The following NEXMIF variants were observed in gnomAD, a reference collection of about 807,000 sequenced individuals.
The protein encoded by NEXMIF is neurite extension and migration factor.
In NEXMIF, 8 loss-of-function variants were observed where a neutral mutation model predicts 62.1. The observed-to-expected ratio is 0.13, with a 90% CI of 0.08 to 0.23. The LOEUF (loss-of-function observed/expected upper bound fraction) is 0.23, where lower values mean the gene tolerates loss of function less well. NEXMIF is among the 10% of genes least tolerant of loss of function. The probability of loss-of-function intolerance (pLI) is 1.00; values close to 1 mark genes in which losing one functional copy is unlikely to be tolerated. For missense variants in NEXMIF, 976 were observed against 1,113.3 expected (o/e 0.88, Z 1.75); for synonymous variants, 404 against 416.6 (o/e 0.97, Z 0.37).
intron 1 of NEXMIF, among the ~76,000 whole-genome samples, chrX:74,829,357 T>C (rs771586483): frequency 8.9e-6 from 1 of 112,473 alleles, no homozygotes; most frequent in South Asian, 3.7e-4. Flanking sequence ...TCCAATTCCA[T>C]CTACGTTGTT....
chrX:74,796,433 G>C (rs1381713548), intron 1 of NEXMIF, among the ~76,000 whole-genome samples: 2 of 102,068 alleles, frequency 2.0e-5, no homozygotes, highest in Admixed American at 1.2e-4. Flanking sequence ...TGATAGCTTG[G>C]TAAAAATGAC....
intron 1 of NEXMIF, among the ~76,000 whole-genome samples, chrX:74,781,719 A>AAGCCTTAGGTGTATGTGAG (rs2080247741): frequency 1.1e-5 from 1 of 94,168 alleles, no homozygotes; most frequent in African/African-American, 3.8e-5. Context: ...GTGTATGTGA[A>AAGCCTTAGGTGTATGTGAG]AGCCTTAGGT....
At chrX:74,821,727 TTG>T (rs767216273) in intron 1 of NEXMIF, among the ~76,000 whole-genome samples, 10 of 108,879 alleles carry the variant, frequency 9.2e-5, no homozygotes, top group Admixed American at 2.0e-4. Flanking sequence ...GGGTTGAAAA[TTG>T]TGTGTGTGTG....
At chrX:74,795,599 A>G (rs1206280987) in intron 1 of NEXMIF, among the ~76,000 whole-genome samples, 3 of 111,596 alleles carry the variant, frequency 2.7e-5, no homozygotes, top group Non-Finnish European at 3.8e-5. Flanking sequence ...ACTCTTCTGT[A>G]TGGTATTGGG....
At chrX:74,819,589 C>T (rs899623144) in intron 1 of NEXMIF, among the ~76,000 whole-genome samples, 9 of 112,082 alleles carry the variant, frequency 8.0e-5, no homozygotes, top group Non-Finnish European at 1.7e-4. Context: ...TGAAAAAAAG[C>T]TCATCATCAC....
chrX:74,794,751 C>T (rs772845539), intron 1 of NEXMIF, among the ~76,000 whole-genome samples: 88 of 111,561 alleles, frequency 7.9e-4, no homozygotes, highest in African/African-American at 2.5e-3. Flanking sequence ...AGGTGCCGTC[C>T]GTCACCCCTT....
chrX:74,809,281 G>A (rs2080353847), intron 1 of NEXMIF, among the ~76,000 whole-genome samples: 2 of 111,644 alleles, frequency 1.8e-5, no homozygotes, highest in Admixed American at 9.5e-5. Flanking sequence ...TTTCCATTAG[G>A]AATAAAAATA....
chrX:74,826,126 C>T, intron 1 of NEXMIF, among the ~76,000 whole-genome samples: 1 of 112,511 alleles, frequency 8.9e-6, no homozygotes, highest in Admixed American at 9.4e-5. Flanking sequence ...TTAATTTACA[C>T]TCCTAACAAC....
chrX:74,754,713 AAG>A (rs1193662561), intron 1 of NEXMIF, among the ~76,000 whole-genome samples: 83 of 111,942 alleles, frequency 7.4e-4, no homozygotes, highest in African/African-American at 2.6e-3. Flanking sequence ...CAAGACCATA[AAG>A]AGATAAACAT....
chrX:74,837,216 C>T (rs1341720094), intron 1 of NEXMIF, among the ~76,000 whole-genome samples: 1 of 111,704 alleles, frequency 9.0e-6, no homozygotes, highest in Non-Finnish European at 1.9e-5. Context: ...CTCTCTGACC[C>T]TCCTCAATAC....
At chrX:74,851,507 C>T (rs1483784514) in intron 1 of NEXMIF, among the ~76,000 whole-genome samples, 1 of 110,479 alleles carries the variant, frequency 9.1e-6, no homozygotes, top group African/African-American at 3.3e-5. Context: ...ATAAGGGAAC[C>T]CCTAACAGAC....
chrX:74,808,488 T>C (rs1386728835), intron 1 of NEXMIF, among the ~76,000 whole-genome samples: 1 of 112,310 alleles, frequency 8.9e-6, no homozygotes, highest in African/African-American at 3.2e-5. Flanking sequence ...ACTGAGGATT[T>C]CTACATCTGT....
intron 1 of NEXMIF, among the ~76,000 whole-genome samples, chrX:74,921,161 T>C (rs2080825613): frequency 9.0e-6 from 1 of 111,045 alleles, no homozygotes; most frequent in African/African-American, 3.3e-5. Context: ...TCATAGTGCT[T>C]ACCTGCAGAA....
intron 1 of NEXMIF, among the ~76,000 whole-genome samples, chrX:74,773,258 C>T (rs781040568): frequency 8.9e-6 from 1 of 112,053 alleles, no homozygotes; most frequent in South Asian, 3.7e-4. Context: ...CTACTAAGCA[C>T]TTTAAATATA....
intron 1 of NEXMIF, among the ~76,000 whole-genome samples, chrX:74,860,251 T>C (rs1303935504): frequency 8.9e-6 from 1 of 111,967 alleles, no homozygotes; most frequent in African/African-American, 3.2e-5. Context: ...CACCCAGATA[T>C]ATAAAGCAAA....
At chrX:74,791,678 A>T (rs939533499) in intron 1 of NEXMIF, among the ~76,000 whole-genome samples, 6 of 110,295 alleles carry the variant, frequency 5.4e-5, no homozygotes, top group Admixed American at 3.9e-4. Flanking sequence ...CTATTCAGAG[A>T]TTCAACTTCT....
intron 1 of NEXMIF, among the ~76,000 whole-genome samples, chrX:74,862,618 T>G (rs1394030438): frequency 9.0e-6 from 1 of 111,404 alleles, no homozygotes; most frequent in Non-Finnish European, 1.9e-5. Flanking sequence ...GCAAAAGGAC[T>G]GATATCATAA....
At chrX:74,749,734 T>C (rs1039730110) in intron 1 of NEXMIF, among the ~76,000 whole-genome samples, 4 of 111,258 alleles carry the variant, frequency 3.6e-5, no homozygotes, top group Non-Finnish European at 5.6e-5. Context: ...CTCTGTATTC[T>C]CAAAGAATTT....
intron 1 of NEXMIF, among the ~76,000 whole-genome samples, chrX:74,907,780 TC>T (rs1316705052): frequency 2.7e-5 from 3 of 111,661 alleles, no homozygotes; most frequent in Non-Finnish European, 5.6e-5. Context: ...TTAACATCAA[TC>T]TGTCGCCTGA....
Sources: allele counts gnomAD v4.1 joint callset (sites outside exome capture counted in the v4.1 genomes callset), GRCh38; gene constraint gnomAD v4.1.1; transcripts MANE v1.5; gene names NCBI Gene and HGNC (gene_info 2026-07-23, HGNC 2026-07-21).